The following MAF variants were observed in gnomAD, a reference collection of about 807,000 sequenced individuals.
MAF encodes the protein MAF bZIP transcription factor, also known as transcription factor Maf.
Under a neutral mutation model 22.0 loss-of-function variants are expected in MAF, and 10 were observed. The observed-to-expected ratio is 0.45, with a 90% CI of 0.28 to 0.77. The LOEUF (loss-of-function observed/expected upper bound fraction) is 0.77, where lower values mean the gene tolerates loss of function less well. Ranked by LOEUF, MAF falls within the 30% of genes least tolerant of loss-of-function variation. MAF has a pLI of 0.12. For missense variants in MAF, 544 were observed against 548.4 expected (o/e 0.99, Z 0.08); for synonymous variants, 337 against 255.8 (o/e 1.32, Z -3.03).
chr16:79,562,503 G>T, the MAF span, among the ~76,000 whole-genome samples: 1 of 152,236 alleles, frequency 6.6e-6, no homozygotes, highest in African/African-American at 2.4e-5. Flanking sequence ...AGGCTTAAAG[G>T]CCCATTGTCT....
chr16:79,369,084 T>C, the MAF span, among the ~76,000 whole-genome samples: 1 of 152,240 alleles, frequency 6.6e-6, no homozygotes, highest in Non-Finnish European at 1.5e-5. Flanking sequence ...CAAGAAATGT[T>C]TGTTGAATAA....
At chr16:79,591,788 C>A (rs1693921423), downstream of MAF, among the ~76,000 whole-genome samples, 1 of 152,180 alleles carries the variant, frequency 6.6e-6, no homozygotes, top group Non-Finnish European at 1.5e-5. Context: ...AAAACTATTG[C>A]AGTGACCATT....
At chr16:79,554,797 A>AC in the MAF span, among the ~76,000 whole-genome samples, 2 of 151,974 alleles carry the variant, frequency 1.3e-5, no homozygotes, top group Admixed American at 6.6e-5. Context: ...ATCACGTGTG[A>AC]CCCCTCAGTT....
chr16:79,339,281 G>A, the MAF span, among the ~76,000 whole-genome samples: 2 of 151,990 alleles, frequency 1.3e-5, no homozygotes. Context: ...CCGTGGTCTC[G>A]ATCTCCTGAC....
the MAF span, among the ~76,000 whole-genome samples, chr16:79,263,152 G>A: frequency 5.3e-5 from 8 of 152,134 alleles, no homozygotes; most frequent in South Asian, 1.0e-3. Flanking sequence ...AGGCAGACAC[G>A]GCCTCTCATT....
chr16:79,505,152 T>C, the MAF span, among the ~76,000 whole-genome samples: 3 of 152,140 alleles, frequency 2.0e-5, no homozygotes, highest in Non-Finnish European at 4.4e-5. Flanking sequence ...AAATTCCAAG[T>C]AGGAGGAAAA....
chr16:79,340,929 T>C, the MAF span, among the ~76,000 whole-genome samples: 1 of 152,040 alleles, frequency 6.6e-6, no homozygotes, highest in Non-Finnish European at 1.5e-5. Context: ...AGAAACAGGA[T>C]AGCAAGACAG....
the MAF span, among the ~76,000 whole-genome samples, chr16:79,469,964 A>G: frequency 6.6e-6 from 1 of 152,344 alleles, no homozygotes; most frequent in Non-Finnish European, 1.5e-5. Context: ...TTACAGACAT[A>G]AGTTATCTTA....
the MAF span, among the ~76,000 whole-genome samples, chr16:79,210,143 GC>G: frequency 2.0e-5 from 3 of 152,082 alleles, no homozygotes; most frequent in African/African-American, 7.2e-5. Context: ...TCCACACCCC[GC>G]CCAGAGTCGT....
intron 1 of MAF, chr16:79,596,734 G>C: frequency 9.6e-7 from 1 of 1,043,638 alleles, no homozygotes; most frequent in Non-Finnish European, 1.2e-6. Flanking sequence ...ACTGATTATT[G>C]CCTTTAAAAC....
the MAF span, among the ~76,000 whole-genome samples, chr16:79,509,610 G>A: frequency 5.9e-5 from 9 of 152,224 alleles, no homozygotes; most frequent in African/African-American, 1.7e-4. Context: ...GCCAGCACAG[G>A]GCAGGAAAGA....
chr16:79,465,539 C>T, the MAF span, among the ~76,000 whole-genome samples: 1 of 152,124 alleles, frequency 6.6e-6, no homozygotes, highest in Non-Finnish European at 1.5e-5. Flanking sequence ...TTGCAGTGAG[C>T]CGTGATCCCG....
At chr16:79,310,863 G>C in the MAF span, among the ~76,000 whole-genome samples, 2 of 152,126 alleles carry the variant, frequency 1.3e-5, no homozygotes, top group East Asian at 3.9e-4. Flanking sequence ...ACTGAATTGC[G>C]ATATTATTGA....
the MAF span, among the ~76,000 whole-genome samples, chr16:79,311,325 G>C: frequency 2.0e-5 from 3 of 151,974 alleles, no homozygotes; most frequent in African/African-American, 7.2e-5. Context: ...TGTCACGCAG[G>C]TATTGGCCCT....
chr16:79,274,342 C>T, the MAF span, among the ~76,000 whole-genome samples: 7 of 151,876 alleles, frequency 4.6e-5, no homozygotes, highest in African/African-American at 1.7e-4. Context: ...CGTGCTCACT[C>T]AGACACTAGT....
the MAF span, among the ~76,000 whole-genome samples, chr16:79,562,190 G>C: frequency 6.6e-6 from 1 of 152,140 alleles, no homozygotes; most frequent in African/African-American, 2.4e-5. Context: ...ACCACGTCTA[G>C]TCACACCATT....
the MAF span, among the ~76,000 whole-genome samples, chr16:79,472,727 A>G: frequency 1.3e-5 from 2 of 152,098 alleles, no homozygotes; most frequent in African/African-American, 2.4e-5. Flanking sequence ...TACATATACA[A>G]AAGCCCATTA....
chr16:79,228,933 A>C, the MAF span, among the ~76,000 whole-genome samples: 36 of 152,002 alleles, frequency 2.4e-4, no homozygotes, highest in African/African-American at 8.7e-4. Context: ...CACCAGTCTG[A>C]GACAGGGCAC....
At chr16:79,284,684 C>T in the MAF span, among the ~76,000 whole-genome samples, 1 of 152,156 alleles carries the variant, frequency 6.6e-6, no homozygotes, top group African/African-American at 2.4e-5. Context: ...TCAAACTGTG[C>T]AGGGCTGGTG....
Sources: gnomAD v4.1 joint callset for allele counts (sites outside exome capture counted in the v4.1 genomes callset) on GRCh38, gnomAD v4.1.1 for gene constraint, MANE v1.5 for transcripts, NCBI Gene and HGNC (gene_info 2026-07-23, HGNC 2026-07-21) for gene names.